FBN2: variants seen among roughly 807,000 people sequenced by gnomAD.
The protein encoded by FBN2 is fibrillin 2.
Under a neutral mutation model 355.6 loss-of-function variants are expected in FBN2, and 105 were observed. The ratio of observed to expected loss-of-function variants is 0.30; its 90% CI spans 0.25 to 0.35. The LOEUF (loss-of-function observed/expected upper bound fraction) is 0.35, where lower values mean the gene tolerates loss of function less well. FBN2 is among the 10% of genes least tolerant of loss of function. The pLI is 1.00. For missense variants in FBN2, 3,280 were observed against 3,758.7 expected, an observed-to-expected ratio of 0.87 and a Z score of 3.33; for synonymous variants, 1,350 against 1,301.2, an observed-to-expected ratio of 1.04 and a Z score of -0.81.
intron 5 of FBN2, among the ~76,000 whole-genome samples, chr5:128,501,225 G>A (rs1755800517): frequency 6.6e-6 from 1 of 152,140 alleles, no homozygotes; most frequent in Admixed American, 6.5e-5. Flanking sequence ...ATGACAAGAG[G>A]GAGTGATCCT....
At chr5:128,382,513 C>T (rs1752259048) in intron 11 of FBN2, among the ~76,000 whole-genome samples, 2 of 152,038 alleles carry the variant, frequency 1.3e-5, no homozygotes, top group African/African-American at 4.8e-5. Context: ...GTGTTGTTGA[C>T]TCCTAAATCT....
At chr5:128,346,697 G>A (rs997596126) in intron 23 of FBN2, among the ~76,000 whole-genome samples, 2 of 152,084 alleles carry the variant, frequency 1.3e-5, no homozygotes, top group African/African-American at 4.8e-5. Flanking sequence ...TCAGCACTTT[G>A]GGAGACTGAG....
At chr5:128,409,190 A>T (rs1027052599) in intron 7 of FBN2, among the ~76,000 whole-genome samples, 3 of 152,230 alleles carry the variant, frequency 2.0e-5, no homozygotes, top group Admixed American at 2.0e-4. Context: ...GTATTTGAAA[A>T]TGTATAACTA....
chr5:128,433,915 T>C (rs1448777931), intron 7 of FBN2, among the ~76,000 whole-genome samples: 1 of 152,140 alleles, frequency 6.6e-6, no homozygotes, highest in African/African-American at 2.4e-5. Context: ...ACTCACTCAG[T>C]ATCTGTATGA....
chr5:128,299,142 C>CTCGGGGG (rs1749631704), intron 48 of FBN2, among the ~76,000 whole-genome samples: 1 of 152,012 alleles, frequency 6.6e-6, no homozygotes, highest in South Asian at 2.1e-4. Context: ...AGTTAGGCTG[C>CTCGGGGG]TCGGGGGTCA....
chr5:128,519,890 G>T (rs985241008), intron 4 of FBN2, among the ~76,000 whole-genome samples: 1 of 151,890 alleles, frequency 6.6e-6, no homozygotes, highest in Non-Finnish European at 1.5e-5. Context: ...GGAAGCCAAG[G>T]GGGGAAAAGG....
intron 58 of FBN2, among the ~76,000 whole-genome samples, chr5:128,276,373 G>T (rs1241095197): frequency 6.6e-6 from 1 of 152,108 alleles, no homozygotes; most frequent in Admixed American, 6.5e-5. Context: ...TAAATATTAT[G>T]ATGTCTAGAC....
Position 128,290,847 on chromosome 5 carries a change from A to G in FBN2, c.6330T>C (p.Asn2110=), listed in dbSNP as rs1749302028. The G allele has an allele frequency of 3.7e-6, 6 of 1,614,070 alleles. No homozygotes were observed. The African/African-American group carries it at 4.0e-5, about 11-fold the overall frequency. ...RQSFCFTNFE[N]GKCSVPKAFN... is the part of the protein sequence containing the mutation. ...AAGCTTTGGGTACAGAACACTTTCCATTTTCAAAATTTGTGAAGCAGAAGC... is the reference window on the plus strand; with the variant it reads ...AAGCTTTGGGTACAGAACACTTTCCGTTTTCAAAATTTGTGAAGCAGAAGC... The change falls in exon 50 of 65, where the codon AAT becomes AAC. Residue 2110 remains asparagine (N), a synonymous_variant. Coordinates refer to ENST00000262464, the MANE Select transcript of FBN2 (RefSeq NM_001999.4).
intron 8 of FBN2, among the ~76,000 whole-genome samples, chr5:128,407,368 A>ATCC (rs1375508052): frequency 6.6e-6 from 1 of 152,164 alleles, no homozygotes; most frequent in Non-Finnish European, 1.5e-5. Flanking sequence ...GAGCAGGCAT[A>ATCC]TCCTCCTCCT....
At chr5:128,441,320 T>G (rs918047892) in intron 7 of FBN2, among the ~76,000 whole-genome samples, 1 of 152,178 alleles carries the variant, frequency 6.6e-6, no homozygotes, top group Non-Finnish European at 1.5e-5. Flanking sequence ...TCCCCGTCAG[T>G]GCAGTCCCAG....
Position 128,537,844 on chromosome 5 carries a change from T to G in FBN2, c.-241A>C. 1.7e-6 allele frequency: 1 copy of G among 592,784 alleles called. No homozygotes were observed. The highest frequency in any genetic ancestry group is 3.0e-6 in the Non-Finnish European group (1 of 333,456). The allele number at this position is 592,784 out of a possible 1,614,324, so 36.7% of individuals were successfully genotyped here. ...AGTGAGCGGCGAGGCGCGGCGGAGG[T>G]GCAGCCGGCAGCCCCGAGCGGTACA... On this transcript the variant is annotated 5_prime_UTR_variant, in exon 1 of 65. Transcript: ENST00000262464.
At chr5:128,295,394 G>A (rs1749475200) in intron 48 of FBN2, among the ~76,000 whole-genome samples, 1 of 150,760 alleles carries the variant, frequency 6.6e-6, no homozygotes, top group Non-Finnish European at 1.5e-5. Flanking sequence ...TAGCTTCATG[G>A]GGATGGCATT....
chr5:128,270,711 G>C (rs255694), intron 62 of FBN2, among the ~76,000 whole-genome samples: 14,622 of 152,154 alleles, frequency 0.096, 946 homozygotes, highest in South Asian at 0.15. Context: ...AGAGTGAATA[G>C]GCAACCTACA....
chr5:128,383,987 T>A (rs543242077), intron 11 of FBN2, among the ~76,000 whole-genome samples: 5 of 152,228 alleles, frequency 3.3e-5, no homozygotes, highest in African/African-American at 1.2e-4. Context: ...TGTCCATGAA[T>A]GTTCATAAGA....
At chr5:128,413,265 AC>A (rs1356007746) in intron 7 of FBN2, among the ~76,000 whole-genome samples, 2 of 152,206 alleles carry the variant, frequency 1.3e-5, no homozygotes, top group African/African-American at 4.8e-5. Context: ...AAATGAAAAG[AC>A]TGGAATTGAA....
chr5:128,487,171 C>A (rs1347150619), intron 5 of FBN2, among the ~76,000 whole-genome samples: 1 of 152,176 alleles, frequency 6.6e-6, no homozygotes, highest in African/African-American at 2.4e-5. Context: ...GACCAATGTG[C>A]AAGTCACCAT....
Position 128,426,264 on chromosome 5 carries a change from G to A in FBN2, c.953-17465C>T, listed in dbSNP as rs967515865. Among the ~76,000 whole-genome samples, 9 of 152,190 alleles carry A rather than the reference G, an allele frequency of 5.9e-5. 1 individual carries two copies. Among genetic ancestry groups the A allele is most frequent in the East Asian group, 1.9e-4 (1 of 5,180 alleles). On this transcript the variant is annotated intron_variant, in intron 7 of 64. Transcript: ENST00000262464. Reference sequence around the variant, plus strand: ...ACACATCTGGACAATTCTCAAGTGCGCCCACACACTTCAGAGATCTTGACC... The same window carrying A: ...ACACATCTGGACAATTCTCAAGTGCACCCACACACTTCAGAGATCTTGACC...
chr5:128,530,392 G>C (rs1015219545), intron 3 of FBN2, among the ~76,000 whole-genome samples: 2 of 152,200 alleles, frequency 1.3e-5, no homozygotes. Flanking sequence ...TCAAGTCTGT[G>C]TTTCCTTGGG....
intron 48 of FBN2, among the ~76,000 whole-genome samples, chr5:128,299,118 G>C (rs1469310795): frequency 6.6e-6 from 1 of 152,022 alleles, no homozygotes; most frequent in African/African-American, 2.4e-5. Context: ...TGCCCCTGCT[G>C]GGGGGTGCCT....
Sources: allele counts gnomAD v4.1 joint callset (sites outside exome capture counted in the v4.1 genomes callset), GRCh38; gene constraint gnomAD v4.1.1; transcripts MANE v1.5; gene names NCBI Gene and HGNC (gene_info 2026-07-23, HGNC 2026-07-21).